Variants in ZNF83 observed in about 807,000 individuals in gnomAD.
ZNF83 encodes the protein zinc finger protein 83.
For synonymous variants in ZNF83, 209 were observed against 213.0 expected, an observed-to-expected ratio of 0.98 and a Z score of 0.17; for missense variants, 552 against 629.9, an observed-to-expected ratio of 0.88 and a Z score of 1.32.
chr19:52,618,706 G>C, intron 2 of ZNF83: 4 of 817,640 alleles, frequency 4.9e-6, no homozygotes, highest in Non-Finnish European at 7.2e-6. Flanking sequence ...CAGCCATAAG[G>C]TTTTAAGCCT....
chr19:52,648,768 G>A (rs1401978182), intron 3 of ZNF83, among the ~76,000 whole-genome samples: 1 of 152,152 alleles, frequency 6.6e-6, no homozygotes, highest in Non-Finnish European at 1.5e-5. Context: ...AACTCATCCT[G>A]AGATGAGATC....
upstream of ZNF83, among the ~76,000 whole-genome samples, chr19:52,640,178 C>G (rs968238146): frequency 2.4e-4 from 36 of 152,160 alleles, no homozygotes; most frequent in African/African-American, 8.4e-4. Context: ...TACAATCCGA[C>G]AGAAACTGAC....
chr19:52,639,413 CTATTT>C (rs1327910621), upstream of ZNF83, among the ~76,000 whole-genome samples: 15 of 53,880 alleles, frequency 2.8e-4, no homozygotes, highest in African/African-American at 1.1e-3. Flanking sequence ...TTAGTTTTTT[CTATTT>C]TTTTTTTTTT....
At chr19:52,686,668 G>A (rs143310549) in intron 1 of ZNF83, among the ~76,000 whole-genome samples, 53 of 152,144 alleles carry the variant, frequency 3.5e-4, no homozygotes, top group African/African-American at 1.3e-3. Context: ...CTACCTCCCA[G>A]GTTCAAGTGA....
At position 52,649,807 on chromosome 19, in the gene ZNF83, T is replaced by C. The variant is rs182265294; in HGVS notation, c.-74+5754A>G. Among the ~76,000 whole-genome samples, 318 of 152,106 alleles carry C rather than the reference T, an allele frequency of 2.1e-3. 1 individual carries two copies. Among genetic ancestry groups the C allele is most frequent in the Non-Finnish European group, 3.8e-3 (255 of 67,998 alleles). On this transcript the variant is annotated intron_variant, in intron 3 of 5. Coordinates refer to the ZNF83 transcript ENST00000594682. The stretch of plus-strand genomic sequence containing the variant: ...CCATTGCAAAAAAAGTTACAGAAAC[T>C]AGAAAACTGGAAAAAACAGTCTATA...
intron 1 of ZNF83, among the ~76,000 whole-genome samples, chr19:52,665,391 CCCT>C (rs1205650732): frequency 1.3e-5 from 2 of 151,562 alleles, no homozygotes; most frequent in East Asian, 3.9e-4. Flanking sequence ...CCCCAGAGTT[CCCT>C]CCTCCGTCTC....
intron 1 of ZNF83, chr19:52,690,432 G>C (rs1181947661): frequency 1.7e-5 from 3 of 180,178 alleles, no homozygotes; most frequent in African/African-American, 7.2e-5. Flanking sequence ...ATACAAAACA[G>C]CGAAACTCAC....
Position 52,613,072 on chromosome 19 carries a change from G to A in ZNF83, c.1493C>T (p.Ser498Leu), listed in dbSNP as rs758679709. 2 of 1,612,860 alleles carry A rather than the reference G, an allele frequency of 1.2e-6. No homozygotes were observed. The highest frequency in any genetic ancestry group is 1.7e-6 in the Non-Finnish European group (2 of 1,179,454). The stretch of plus-strand genomic sequence containing the variant: ...AAATCTCTGATGACGTACAAGATAT[G>A]AATTGTCGCGGAAGAGTTTGCCACA... The change falls in exon 3 of 3, where the codon TCA becomes TTA. Residue 498 changes from serine to leucine, a missense_variant. Ser to Leu is a moderately radical substitution (Grantham distance 145). Coordinates refer to ENST00000301096, the Ensembl canonical transcript of ZNF83.
At chr19:52,662,171 C>T (rs1436832524) in intron 1 of ZNF83, among the ~76,000 whole-genome samples, 3 of 152,152 alleles carry the variant, frequency 2.0e-5, no homozygotes, top group Admixed American at 6.5e-5. Flanking sequence ...CTTTTCTTTA[C>T]GTTATAAATT....
chr19:52,644,231 A>G (rs1437000897), intron 3 of ZNF83, among the ~76,000 whole-genome samples: 3 of 150,486 alleles, frequency 2.0e-5, no homozygotes, highest in Non-Finnish European at 4.4e-5. Context: ...AATTCTAATT[A>G]CAACTGGACA....
chr19:52,613,245 T>G (rs2060166673), exon 3 of ZNF83: 1 of 1,613,714 alleles, frequency 6.2e-7, no homozygotes, highest in Non-Finnish European at 8.5e-7. Context: ...GGGATGAGTT[T>G]AGACCGAAGA....
upstream of ZNF83, among the ~76,000 whole-genome samples, chr19:52,642,894 T>C (rs955315523): frequency 6.6e-6 from 1 of 152,058 alleles, no homozygotes; most frequent in Non-Finnish European, 1.5e-5. Flanking sequence ...CCATGGCTCA[T>C]GCCTATAATA....
chr19:52,623,195 A>T (rs12977815), intron 2 of ZNF83, among the ~76,000 whole-genome samples: 34,445 of 152,100 alleles, frequency 0.23, 3,940 homozygotes, highest in South Asian at 0.28. Flanking sequence ...TCCTTCCCAG[A>T]TCTGCTCGGC....
intron 1 of ZNF83, chr19:52,637,108 T>C (rs2061174882): frequency 6.6e-6 from 1 of 152,176 alleles, no homozygotes; most frequent in Non-Finnish European, 1.5e-5. Flanking sequence ...TATCCCCTTC[T>C]TCCCTCTATT....
intron 2 of ZNF83, among the ~76,000 whole-genome samples, chr19:52,629,093 T>C (rs1415152288): frequency 6.6e-6 from 1 of 152,124 alleles, no homozygotes; most frequent in Non-Finnish European, 1.5e-5. Flanking sequence ...TTAAAACCTC[T>C]TCAACTCTCA....
chr19:52,657,133 T>C (rs1235120968), intron 2 of ZNF83, among the ~76,000 whole-genome samples: 1 of 151,092 alleles, frequency 6.6e-6, no homozygotes, highest in African/African-American at 2.4e-5. Context: ...CTCCCAAAAG[T>C]TGGAAGCTCA....
intron 1 of ZNF83, among the ~76,000 whole-genome samples, chr19:52,685,897 C>CAAAAAAAAAAAAAAAAA (rs3055370): frequency 7.6e-6 from 1 of 132,442 alleles, no homozygotes; most frequent in Non-Finnish European, 1.7e-5. Context: ...GTAACTGTCA[C>CAAAAAAAAAAAAAAAAA]AAAAAAAAAA....
At chr19:52,612,950 T>C in exon 3 of ZNF83, 1 of 1,391,438 alleles carries the variant, frequency 7.2e-7, no homozygotes, top group African/African-American at 1.4e-5. Context: ...TTGCAAAGTT[T>C]TTCTCCAGTA....
chr19:52,673,984 G>T (rs980701940), intron 1 of ZNF83, among the ~76,000 whole-genome samples: 2 of 131,586 alleles, frequency 1.5e-5, no homozygotes, highest in Non-Finnish European at 3.1e-5. Context: ...CCACTGCCCT[G>T]CAGCCTGGGT....
Sources: allele counts gnomAD v4.1 joint callset (sites outside exome capture counted in the v4.1 genomes callset), GRCh38; gene constraint gnomAD v4.1.1; transcripts MANE v1.5; gene names NCBI Gene and HGNC (gene_info 2026-07-23, HGNC 2026-07-21).